BNC2: variants seen among roughly 807,000 people sequenced by gnomAD.
The protein encoded by BNC2 is zinc finger protein basonuclin-2.
A neutral mutation model predicts 76.3 loss-of-function variants in BNC2; 20 were observed. The observed-to-expected ratio is 0.26, with a 90% CI of 0.18 to 0.38. The LOEUF (loss-of-function observed/expected upper bound fraction) is 0.38, where lower values mean the gene tolerates loss of function less well. Among genes scored for constraint, BNC2 ranks in the 10% least tolerant of loss-of-function variants. The pLI, the probability that BNC2 is intolerant of heterozygous loss-of-function variation, is 1.00. For synonymous variants in BNC2, 582 were observed against 514.8 expected (o/e 1.13, Z -1.77); for missense variants, 1,382 against 1,399.8 (o/e 0.99, Z 0.20).
At chr9:16,827,536 TCA>T (rs1818483035) in intron 1 of BNC2, among the ~76,000 whole-genome samples, 1 of 152,178 alleles carries the variant, frequency 6.6e-6, no homozygotes, top group East Asian at 1.9e-4. Context: ...TCCGGAGAAC[TCA>T]GTCAACACAT....
intron 3 of BNC2, among the ~76,000 whole-genome samples, chr9:16,705,612 T>C (rs1235393864): frequency 6.6e-6 from 1 of 152,182 alleles, no homozygotes; most frequent in Non-Finnish European, 1.5e-5. Flanking sequence ...TCTGTTTAAA[T>C]GTAGGGATGC....
In BNC2 at chr9:16,414,217, C is replaced by T. The variant is rs1479104686; in HGVS notation, c.*4772G>A. 6.6e-6 allele frequency: 1 copy of T among 152,208 alleles called. No individual in the cohort carries two copies. Among genetic ancestry groups the T allele is most frequent in the Non-Finnish European group, 1.5e-5 (1 of 68,052 alleles). The allele number at this position is 152,208 out of a possible 1,614,324, so 9.4% of individuals were successfully genotyped here. On this transcript the variant is annotated 3_prime_UTR_variant, in exon 7 of 7. Coordinates refer to ENST00000380672, the MANE Select transcript of BNC2 (RefSeq NM_017637.6). ...TCTGCAGGTCCCTACGATCAATACG[C>T]TCTCACCCACTGCGAGGCAGAGCTA...
Position 16,416,308 on chromosome 9 carries a change from T to C in BNC2, c.*2681A>G, listed in dbSNP as rs1820582920. ...AAAAGCCAGAGTTTCTATAATGTTT[T>C]GTTGGGATATTAAAAATCTTTTCCC... On this transcript the variant is annotated 3_prime_UTR_variant, in exon 7 of 7. Coordinates refer to ENST00000380672, the MANE Select transcript of BNC2 (RefSeq NM_017637.6). The C allele has an allele frequency of 6.5e-6, 1 of 152,676 alleles. No individual in the cohort carries two copies. Among genetic ancestry groups the C allele is most frequent in the African/African-American group, 2.4e-5 (1 of 41,468 alleles). 9.5% of individuals were successfully genotyped at this position (152,676 alleles called of 1,614,324 possible).
Position 16,437,060 on chromosome 9 carries a change from A to G in BNC2, c.1134T>C (p.Asn378=). 4.3e-6 allele frequency: 7 copies of G among 1,614,090 alleles called. No homozygotes were observed. The highest frequency in any genetic ancestry group is 4.2e-6 in the Non-Finnish European group (5 of 1,180,022). The change falls in exon 6 of 7, where the codon AAT becomes AAC. Residue 378 remains asparagine, a synonymous_variant. Coordinates refer to ENST00000380672, the MANE Select transcript of BNC2 (RefSeq NM_017637.6). ...ESEVSPTPYK[N]DQTPNRNALT... Reference sequence around the variant, plus strand: ...GGGCATTTCTATTGGGTGTTTGATCATTCTTATAAGGTGTGGGAGAAACTT... The same window carrying G: ...GGGCATTTCTATTGGGTGTTTGATCGTTCTTATAAGGTGTGGGAGAAACTT...
At chr9:16,449,343 C>A (rs1312219312) in intron 5 of BNC2, among the ~76,000 whole-genome samples, 1 of 152,130 alleles carries the variant, frequency 6.6e-6, no homozygotes, top group Non-Finnish European at 1.5e-5. Flanking sequence ...TATTTTCTAT[C>A]CAGGCTTGCA....
chr9:16,757,053 T>G (rs996506367), intron 1 of BNC2, among the ~76,000 whole-genome samples: 31 of 135,474 alleles, frequency 2.3e-4, no homozygotes, highest in South Asian at 1.8e-3. Context: ...TGCCCTGTAC[T>G]ACTTTCCAAC....
chr9:16,716,027 C>A (rs536766324), intron 3 of BNC2, among the ~76,000 whole-genome samples: 4 of 152,052 alleles, frequency 2.6e-5, no homozygotes, highest in South Asian at 4.2e-4. Flanking sequence ...AACTGATGAC[C>A]CAGCCTTACA....
At chr9:16,671,451 G>A (rs886947348) in intron 3 of BNC2, among the ~76,000 whole-genome samples, 1 of 152,134 alleles carries the variant, frequency 6.6e-6, no homozygotes, top group Non-Finnish European at 1.5e-5. Context: ...GCAGCCCATG[G>A]AAAAGCCAAA....
At chr9:16,438,342 A>C (rs907487402) in intron 5 of BNC2, among the ~76,000 whole-genome samples, 1 of 152,204 alleles carries the variant, frequency 6.6e-6, no homozygotes, top group Non-Finnish European at 1.5e-5. Context: ...AGACAGAATA[A>C]ATGTGTAAAA....
intron 1 of BNC2, among the ~76,000 whole-genome samples, chr9:16,813,942 G>C (rs967500818): frequency 6.6e-6 from 1 of 152,190 alleles, no homozygotes; most frequent in African/African-American, 2.4e-5. Context: ...AATCGAGACT[G>C]TTAAAATGAC....
At chr9:16,751,055 A>G (rs1825176978) in intron 1 of BNC2, among the ~76,000 whole-genome samples, 2 of 152,276 alleles carry the variant, frequency 1.3e-5, no homozygotes, top group East Asian at 3.9e-4. Context: ...ATTCACCCAC[A>G]AGATTAAATA....
rs118078774 is a variant in BNC2, at chr9:16,782,769, T to C, written c.4-44284A>G. On this transcript the variant is annotated intron_variant, in intron 1 of 6. Transcript: ENST00000380672. ...CCTCCCCTACCAGACTCTAAGATAC[T>C]CTGAAGGCCAGAAACGTCTACCTTT... Among the ~76,000 whole-genome samples, 109 of 152,282 alleles carry C rather than the reference T, an allele frequency of 7.2e-4. 1 individual carries two copies. The East Asian group carries it at 0.013, about 18-fold the overall frequency.
chr9:16,421,266 T>C (rs1820704092), intron 6 of BNC2: 1 of 1,300,478 alleles, frequency 7.7e-7, no homozygotes. Flanking sequence ...GCTTACCTTG[T>C]GACAATAAGA....
intron 1 of BNC2, among the ~76,000 whole-genome samples, chr9:16,740,416 C>G (rs569889750): frequency 2.0e-5 from 3 of 152,284 alleles, no homozygotes; most frequent in African/African-American, 7.2e-5. Flanking sequence ...AGTTCCTAAA[C>G]TCGGGTCAAT....
In BNC2 at chr9:16,587,627, T is replaced by C. The variant is rs76629947; in HGVS notation, c.331-4542A>G. ...GAGATCCACACGGTTGATTGCTATT[T>C]GCTTGACTGAGGTTATTTTCACCCT... On this transcript the variant is annotated intron_variant, in intron 3 of 6. Coordinates refer to ENST00000380672, the MANE Select transcript of BNC2 (RefSeq NM_017637.6). 3.7e-3 allele frequency among the ~76,000 whole-genome samples: 571 copies of C among 152,268 alleles called. 5 individuals carry two copies. The highest frequency in any genetic ancestry group is 0.013 in the African/African-American group (555 of 41,556).
intron 3 of BNC2, among the ~76,000 whole-genome samples, chr9:16,612,784 A>T (rs1017045193): frequency 6.6e-6 from 1 of 152,178 alleles, no homozygotes; most frequent in East Asian, 1.9e-4. Flanking sequence ...TGAGGTAATG[A>T]GAAAAAGCTT....
intron 5 of BNC2, among the ~76,000 whole-genome samples, chr9:16,537,021 T>G (rs1230687445): frequency 6.6e-6 from 1 of 152,140 alleles, no homozygotes; most frequent in Admixed American, 6.5e-5. Context: ...ACTATCCTGC[T>G]CATAAACCCT....
intron 3 of BNC2, among the ~76,000 whole-genome samples, chr9:16,701,988 C>T (rs551471979): frequency 6.8e-6 from 1 of 146,616 alleles, no homozygotes; most frequent in Admixed American, 6.8e-5. Flanking sequence ...ATGTACTTCA[C>T]ATGGGAACAC....
At chr9:16,561,003 C>A (rs1416811303) in intron 4 of BNC2, among the ~76,000 whole-genome samples, 2 of 151,878 alleles carry the variant, frequency 1.3e-5, no homozygotes, top group African/African-American at 4.8e-5. Context: ...TTTGGGAGGC[C>A]CAGCACTTTG....
Sources: gnomAD v4.1 joint callset for allele counts (sites outside exome capture counted in the v4.1 genomes callset) on GRCh38, gnomAD v4.1.1 for gene constraint, MANE v1.5 for transcripts, NCBI Gene and HGNC (gene_info 2026-07-23, HGNC 2026-07-21) for gene names.